LSAMP: variants seen among roughly 807,000 people sequenced by gnomAD.
The protein encoded by LSAMP is limbic system-associated membrane protein.
A neutral mutation model predicts 38.6 loss-of-function variants in LSAMP; 7 were observed. The observed-to-expected ratio is 0.18, with a 90% CI of 0.10 to 0.34. The LOEUF (loss-of-function observed/expected upper bound fraction) is 0.34. LSAMP is among the 10% of genes least tolerant of loss of function. The pLI is 1.00. For synonymous variants in LSAMP, 154 were observed against 166.8 expected (o/e 0.92, Z 0.59); for missense variants, 313 against 420.0 (o/e 0.75, Z 2.23).
chr3:115,856,119 T>A (rs1373370772), intron 3 of LSAMP, among the ~76,000 whole-genome samples: 4 of 152,226 alleles, frequency 2.6e-5, no homozygotes, highest in African/African-American at 9.7e-5. Context: ...AATATCCTCA[T>A]GAACTAGCAC....
At chr3:116,429,987 T>A (rs1031817192) in intron 1 of LSAMP, among the ~76,000 whole-genome samples, 3 of 152,182 alleles carry the variant, frequency 2.0e-5, no homozygotes, top group Admixed American at 2.0e-4. Context: ...AGTGTAGACT[T>A]CAGGCAAAAG....
chr3:116,305,370 C>CTT (rs1053688612), intron 1 of LSAMP, among the ~76,000 whole-genome samples: 70 of 152,150 alleles, frequency 4.6e-4, no homozygotes, highest in Admixed American at 3.4e-3. Context: ...TCTATCCCAA[C>CTT]TTAGTTCATC....
intron 1 of LSAMP, among the ~76,000 whole-genome samples, chr3:116,118,246 T>C (rs1000017130): frequency 5.3e-5 from 8 of 152,222 alleles, no homozygotes; most frequent in African/African-American, 1.2e-4. Context: ...TCTCTCACTC[T>C]TAAATGTCAT....
intron 1 of LSAMP, among the ~76,000 whole-genome samples, chr3:116,320,504 A>G (rs1159567507): frequency 6.6e-6 from 1 of 152,108 alleles, no homozygotes; most frequent in Non-Finnish European, 1.5e-5. Context: ...ACATGTAACA[A>G]CCGCTGTGAG....
At chr3:116,372,993 A>G (rs1257683828) in intron 1 of LSAMP, among the ~76,000 whole-genome samples, 1 of 151,562 alleles carries the variant, frequency 6.6e-6, no homozygotes, top group Non-Finnish European at 1.5e-5. Flanking sequence ...ACCATTTTAC[A>G]TTCTTACCAC....
intron 3 of LSAMP, among the ~76,000 whole-genome samples, chr3:115,999,226 C>G (rs1269775061): frequency 6.6e-6 from 1 of 152,174 alleles, no homozygotes; most frequent in East Asian, 1.9e-4. Flanking sequence ...GAATCACAAG[C>G]AGCAGGATTT....
chr3:116,221,621 A>G (rs1435696312), intron 1 of LSAMP, among the ~76,000 whole-genome samples: 2 of 152,210 alleles, frequency 1.3e-5, no homozygotes, highest in African/African-American at 4.8e-5. Context: ...TTTGTGTGAG[A>G]AAGGCAGAAC....
At chr3:116,051,981 G>A (rs1334391646) in intron 2 of LSAMP, among the ~76,000 whole-genome samples, 2 of 152,190 alleles carry the variant, frequency 1.3e-5, no homozygotes, top group Non-Finnish European at 2.9e-5. Flanking sequence ...AAAGCAAGAA[G>A]TGCTAAGATG....
At chr3:115,974,602 G>T in intron 3 of LSAMP, among the ~76,000 whole-genome samples, 1 of 152,114 alleles carries the variant, frequency 6.6e-6, no homozygotes, top group East Asian at 1.9e-4. Flanking sequence ...TTACATATTT[G>T]TGAGGTTTTA....
intron 1 of LSAMP, among the ~76,000 whole-genome samples, chr3:116,241,929 C>A (rs892984878): frequency 6.6e-6 from 1 of 152,234 alleles, no homozygotes; most frequent in African/African-American, 2.4e-5. Context: ...GATTCATCAC[C>A]TTTCATCTTT....
intron 1 of LSAMP, among the ~76,000 whole-genome samples, chr3:116,214,151 A>G (rs2046193675): frequency 6.6e-6 from 1 of 152,230 alleles, no homozygotes; most frequent in Non-Finnish European, 1.5e-5. Flanking sequence ...AACATTATTA[A>G]CCAAGGGCTA....
chr3:116,342,841 A>C (rs1014697646), intron 1 of LSAMP, among the ~76,000 whole-genome samples: 1 of 152,104 alleles, frequency 6.6e-6, no homozygotes, highest in African/African-American at 2.4e-5. Flanking sequence ...AGAGAAATAC[A>C]ACTTAGCTTC....
At position 116,100,112 on chromosome 3, in the gene LSAMP, C is replaced by T. The variant is rs867916424; in HGVS notation, c.156-13556G>A. ...GGGTGGGGGGTGGGGTACAGAGTCTCACTCTGTTGCTCAGGCTGGCTTGCA... is the reference window on the plus strand; with the variant it reads ...GGGTGGGGGGTGGGGTACAGAGTCTTACTCTGTTGCTCAGGCTGGCTTGCA... On this transcript the variant is annotated intron_variant, in intron 1 of 6. Coordinates refer to ENST00000490035, the MANE Select transcript of LSAMP (RefSeq NM_002338.5). Among the ~76,000 whole-genome samples, 7 of 151,166 alleles carry T rather than the reference C, an allele frequency of 4.6e-5. No individual in the cohort carries two copies. The South Asian group carries it at 1.1e-3, about 23-fold the overall frequency.
intron 1 of LSAMP, among the ~76,000 whole-genome samples, chr3:116,114,179 T>C (rs1708691470): frequency 6.6e-6 from 1 of 152,316 alleles, no homozygotes; most frequent in South Asian, 2.1e-4. Context: ...AGACTCCCTA[T>C]ACCTATAGCA....
chr3:116,129,131 A>C (rs571062714), intron 1 of LSAMP, among the ~76,000 whole-genome samples: 2 of 152,192 alleles, frequency 1.3e-5, no homozygotes, highest in Non-Finnish European at 2.9e-5. Flanking sequence ...AATTCATAGG[A>C]TCTTGATGTG....
chr3:115,923,115 G>T (rs951737496), intron 3 of LSAMP, among the ~76,000 whole-genome samples: 6 of 152,178 alleles, frequency 3.9e-5, no homozygotes, highest in Admixed American at 6.5e-5. Context: ...GTAGCAAGCT[G>T]CCTCTTTCCA....
At chr3:116,436,732 G>A (rs1377762085) in intron 1 of LSAMP, among the ~76,000 whole-genome samples, 1 of 152,100 alleles carries the variant, frequency 6.6e-6, no homozygotes, top group Non-Finnish European at 1.5e-5. Flanking sequence ...CTGCTGGTGG[G>A]AATGTAAACT....
chr3:116,439,748 G>C (rs893957821), intron 1 of LSAMP, among the ~76,000 whole-genome samples: 7 of 152,176 alleles, frequency 4.6e-5, no homozygotes, highest in African/African-American at 1.4e-4. Context: ...TTTTGAGACG[G>C]AGTCTCGCTC....
At chr3:116,428,582 G>A (rs2049235896) in intron 1 of LSAMP, among the ~76,000 whole-genome samples, 2 of 152,144 alleles carry the variant, frequency 1.3e-5, no homozygotes, top group African/African-American at 2.4e-5. Flanking sequence ...ATACATTTAT[G>A]TTTGAGATAT....
Sources: gnomAD v4.1 joint callset for allele counts (sites outside exome capture counted in the v4.1 genomes callset) on GRCh38, gnomAD v4.1.1 for gene constraint, MANE v1.5 for transcripts, NCBI Gene and HGNC (gene_info 2026-07-23, HGNC 2026-07-21) for gene names.